CD247: variants seen among roughly 807,000 people sequenced by gnomAD.
The protein encoded by CD247 is CD247 molecule, also known as T-cell surface glycoprotein CD3 zeta chain.
Under a neutral mutation model 30.0 loss-of-function variants are expected in CD247, and 13 were observed. That is an observed-to-expected ratio of 0.43 (90% CI 0.28 to 0.69). The LOEUF is 0.69. Ranked by LOEUF, CD247 falls within the 30% of genes least tolerant of loss-of-function variation. The pLI, the probability that CD247 is intolerant of heterozygous loss-of-function variation, is 0.16. For synonymous variants in CD247, 72 were observed against 80.0 expected (o/e 0.90, Z 0.53); for missense variants, 193 against 212.6 (o/e 0.91, Z 0.57).
chr1:167,432,580 T>C (rs1338060723), intron 7 of CD247, among the ~76,000 whole-genome samples: 2 of 152,232 alleles, frequency 1.3e-5, no homozygotes, highest in Admixed American at 1.3e-4. Flanking sequence ...CTACATAACA[T>C]TTTCTTTCTG....
intron 1 of CD247, among the ~76,000 whole-genome samples, chr1:167,477,002 A>T (rs1653777472): frequency 6.6e-6 from 1 of 152,346 alleles, no homozygotes; most frequent in East Asian, 1.9e-4. Flanking sequence ...ATTTGTTCTT[A>T]TCATACATAG....
chr1:167,458,066 G>A (rs968948213), intron 1 of CD247, among the ~76,000 whole-genome samples: 8 of 152,236 alleles, frequency 5.3e-5, no homozygotes, highest in African/African-American at 9.6e-5. Flanking sequence ...ATCACCTAAA[G>A]TGCGTGACCT....
At chr1:167,501,248 G>A (rs923164707) in intron 1 of CD247, among the ~76,000 whole-genome samples, 3 of 151,444 alleles carry the variant, frequency 2.0e-5, no homozygotes, top group South Asian at 2.1e-4. Flanking sequence ...CAGTAGAGAC[G>A]GGGTTTCTCC....
intron 1 of CD247, among the ~76,000 whole-genome samples, chr1:167,470,323 C>T (rs1008882616): frequency 8.5e-5 from 13 of 152,140 alleles, no homozygotes; most frequent in African/African-American, 2.2e-4. Flanking sequence ...CAATATCTAA[C>T]GGACAACTCA....
chr1:167,459,296 T>C (rs1351439182), intron 1 of CD247, among the ~76,000 whole-genome samples: 1 of 152,132 alleles, frequency 6.6e-6, no homozygotes, highest in Non-Finnish European at 1.5e-5. Flanking sequence ...TTGTTAATTT[T>C]TTTTAAAGGT....
chr1:167,472,259 A>C (rs562673029), intron 1 of CD247, among the ~76,000 whole-genome samples: 2 of 152,282 alleles, frequency 1.3e-5, no homozygotes, highest in South Asian at 4.2e-4. Context: ...AGAAGTTGAA[A>C]TTTAAGTCAT....
intron 1 of CD247, among the ~76,000 whole-genome samples, chr1:167,468,292 AT>A (rs1316347510): frequency 6.6e-6 from 1 of 152,206 alleles, no homozygotes; most frequent in Non-Finnish European, 1.5e-5. Context: ...AATTGACAAA[AT>A]TATCTTTTCT....
intron 1 of CD247, among the ~76,000 whole-genome samples, chr1:167,504,954 A>G (rs558875771): frequency 6.6e-6 from 1 of 152,246 alleles, no homozygotes; most frequent in African/African-American, 2.4e-5. Flanking sequence ...GAAAATTCAT[A>G]CTCATGAAAA....
intron 1 of CD247, among the ~76,000 whole-genome samples, chr1:167,453,037 A>ATATATATATATTATATATATATAT (rs61444607): frequency 1.4e-4 from 14 of 98,914 alleles, no homozygotes; most frequent in African/African-American, 5.3e-4. Flanking sequence ...GATATATATT[A>ATATATATATATTATATATATATAT]TATATATATA....
intron 4 of CD247, among the ~76,000 whole-genome samples, chr1:167,435,717 A>C (rs1651516250): frequency 6.6e-6 from 1 of 152,234 alleles, no homozygotes; most frequent in Admixed American, 6.5e-5. Context: ...ACGCCCACAC[A>C]CATCACAAGC....
chr1:167,448,427 T>C (rs1245441390), intron 1 of CD247: 6 of 985,406 alleles, frequency 6.1e-6, no homozygotes, highest in Non-Finnish European at 7.2e-6. Context: ...CGAACCATTA[T>C]AGCAGGTCAT....
At chr1:167,517,580 A>C (rs1206461877) in intron 1 of CD247, among the ~76,000 whole-genome samples, 1 of 152,226 alleles carries the variant, frequency 6.6e-6, no homozygotes, top group Non-Finnish European at 1.5e-5. Context: ...GGTGAGGAGC[A>C]AGCACTCTTG....
intron 1 of CD247, among the ~76,000 whole-genome samples, chr1:167,498,376 A>G (rs1654779266): frequency 6.6e-6 from 1 of 152,186 alleles, no homozygotes; most frequent in Non-Finnish European, 1.5e-5. Context: ...GGCCAGGTGA[A>G]GAGGGCCTCA....
At chr1:167,459,348 CT>C (rs34706916) in intron 1 of CD247, among the ~76,000 whole-genome samples, 8,803 of 80,148 alleles carry the variant, frequency 0.11, 325 homozygotes, top group African/African-American at 0.28. Context: ...CCTTACAACT[CT>C]TTTTTTTTTT....
intron 1 of CD247, among the ~76,000 whole-genome samples, chr1:167,448,863 A>AAAAT (rs1439093079): frequency 6.6e-6 from 1 of 152,206 alleles, no homozygotes; most frequent in African/African-American, 2.4e-5. Flanking sequence ...TCTGTCTAAA[A>AAAAT]AAATAAATAA....
rs567794319 is a variant in CD247 at position 167,431,039 on chromosome 1, G to A, written c.*642C>T. On this transcript the variant is annotated 3_prime_UTR_variant, in exon 8 of 8. Coordinates refer to ENST00000362089, the MANE Select transcript of CD247 (RefSeq NM_198053.3). ...CTGTAGCACATGGTACAGTTCAATG[G>A]TGCGGCACAGAGGCCTGAGGCAGGG... 4.5e-5 allele frequency: 19 copies of A among 420,228 alleles called. No homozygotes were observed. The East Asian group carries it at 6.4e-4, about 14-fold the overall frequency. 26.0% of individuals were successfully genotyped at this position (420,228 alleles called of 1,614,324 possible).
At chr1:167,496,797 T>A (rs975051594) in intron 1 of CD247, among the ~76,000 whole-genome samples, 1 of 152,226 alleles carries the variant, frequency 6.6e-6, no homozygotes, top group African/African-American at 2.4e-5. Flanking sequence ...CAGCTCCATC[T>A]GTTGGACAGC....
chr1:167,477,143 AGGG>A (rs987397034), intron 1 of CD247, among the ~76,000 whole-genome samples: 2 of 152,192 alleles, frequency 1.3e-5, no homozygotes, highest in African/African-American at 4.8e-5. Flanking sequence ...TTACTCTGAG[AGGG>A]GTGACAAATT....
chr1:167,503,217 T>G (rs916008009), intron 1 of CD247, among the ~76,000 whole-genome samples: 5 of 152,210 alleles, frequency 3.3e-5, no homozygotes, highest in African/African-American at 1.2e-4. Context: ...GAGGTCCCCC[T>G]GGGGCATTTG....
Sources: allele counts gnomAD v4.1 joint callset (sites outside exome capture counted in the v4.1 genomes callset), GRCh38; gene constraint gnomAD v4.1.1; transcripts MANE v1.5; gene names NCBI Gene and HGNC (gene_info 2026-07-23, HGNC 2026-07-21).